COBL: variants seen among roughly 807,000 people sequenced by gnomAD.
COBL encodes the protein protein cordon-bleu.
Under a neutral mutation model 98.8 loss-of-function variants are expected in COBL, and 51 were observed. That is an observed-to-expected ratio of 0.52 (90% CI 0.41 to 0.65). The LOEUF is 0.65. COBL is among the 30% of genes least tolerant of loss of function. The probability of loss-of-function intolerance (pLI) is 0.00; values close to 1 mark genes in which losing one functional copy is unlikely to be tolerated. For missense variants in COBL, 1,617 were observed against 1,617.5 expected, an observed-to-expected ratio of 1.00 and a Z score of 0.01; for synonymous variants, 634 against 651.7, an observed-to-expected ratio of 0.97 and a Z score of 0.41.
At chr7:51,105,351 C>T (rs1796165882) in intron 6 of COBL, among the ~76,000 whole-genome samples, 1 of 152,228 alleles carries the variant, frequency 6.6e-6, no homozygotes, top group Admixed American at 6.5e-5. Context: ...TGCTACCCAC[C>T]ACCTGCTGCG....
At chr7:51,105,824 AC>A (rs1233793370) in intron 6 of COBL, among the ~76,000 whole-genome samples, 1 of 152,136 alleles carries the variant, frequency 6.6e-6, no homozygotes, top group Non-Finnish European at 1.5e-5. Flanking sequence ...AGGCTTAAGT[AC>A]TAATACAAAA....
intron 6 of COBL, among the ~76,000 whole-genome samples, chr7:51,113,644 G>GA (rs1049313155): frequency 2.6e-5 from 4 of 151,802 alleles, no homozygotes; most frequent in East Asian, 1.9e-4. Flanking sequence ...ATAGATTTTG[G>GA]AAAAAAAATA....
chr7:51,286,175 T>A (rs1232853450), intron 1 of COBL, among the ~76,000 whole-genome samples: 2 of 151,804 alleles, frequency 1.3e-5, no homozygotes, highest in Non-Finnish European at 2.9e-5. Context: ...AAGAAAATAT[T>A]CATGGCCTGG....
At chr7:51,260,880 T>C (rs1020369342) in intron 1 of COBL, among the ~76,000 whole-genome samples, 1 of 152,142 alleles carries the variant, frequency 6.6e-6, no homozygotes, top group African/African-American at 2.4e-5. Context: ...GCACTTGCAT[T>C]TAGCCATGAC....
At chr7:51,073,136 C>G (rs1253303020) in intron 7 of COBL, 8 of 390,406 alleles carry the variant, frequency 2.0e-5, no homozygotes, top group Admixed American at 8.8e-5. Flanking sequence ...CTAAAATTTG[C>G]ATATAATTTA....
intron 1 of COBL, among the ~76,000 whole-genome samples, chr7:51,242,503 C>A (rs1795884283): frequency 6.6e-6 from 1 of 152,176 alleles, no homozygotes; most frequent in Admixed American, 6.5e-5. Flanking sequence ...TGGCTGGACT[C>A]AGCTCCATGT....
intron 11 of COBL, 144 bp downstream of exon 11, chr7:51,026,402 A>G (rs1177100299): frequency 8.0e-6 from 9 of 1,129,934 alleles, no homozygotes; most frequent in Non-Finnish European, 1.1e-5. Flanking sequence ...TGTCTCACAC[A>G]GGCTGGGATG....
At chr7:51,115,791 TTCTA>T (rs1037553808) in intron 6 of COBL, among the ~76,000 whole-genome samples, 22 of 152,074 alleles carry the variant, frequency 1.4e-4, no homozygotes, top group East Asian at 9.6e-4. Context: ...TGTCTAGTTG[TTCTA>T]TCTGAGAGAT....
intron 6 of COBL, among the ~76,000 whole-genome samples, chr7:51,107,589 T>A (rs1408612065): frequency 1.3e-5 from 2 of 152,210 alleles, no homozygotes; most frequent in South Asian, 2.1e-4. Context: ...TTTACTTTTT[T>A]AAAATAATGT....
chr7:51,063,452 G>T (rs1791592034), intron 7 of COBL, among the ~76,000 whole-genome samples: 1 of 152,172 alleles, frequency 6.6e-6, no homozygotes, highest in Admixed American at 6.5e-5. Flanking sequence ...TTCTTTAAGG[G>T]TTGTGCAGTA....
intron 5 of COBL, among the ~76,000 whole-genome samples, chr7:51,147,956 G>A (rs752577644): frequency 2.0e-5 from 3 of 151,826 alleles, no homozygotes; most frequent in Non-Finnish European, 2.9e-5. Context: ...TATAGACGGG[G>A]TTTTACCGTG....
At chr7:51,166,004 T>C (rs1293006338) in intron 5 of COBL, among the ~76,000 whole-genome samples, 2 of 151,764 alleles carry the variant, frequency 1.3e-5, no homozygotes, top group African/African-American at 4.8e-5. Context: ...TATGCCTATG[T>C]CAAAAAAGAA....
intron 1 of COBL, among the ~76,000 whole-genome samples, chr7:51,289,925 G>C (rs1197923960): frequency 2.0e-5 from 3 of 152,092 alleles, no homozygotes; most frequent in Non-Finnish European, 2.9e-5. Context: ...TCCCCTCTCT[G>C]CCTTTCTTTG....
In COBL at chr7:51,289,337, G is replaced by A. The variant is rs114876069; in HGVS notation, c.41+27256C>T. ...TCCCAAGTGACTCTAGGCTCCCAGA[G>A]CCACAGACCTCACTGCCCTCCTGCT... On this transcript the variant is annotated intron_variant, in intron 1 of 12. Transcript: ENST00000265136. Among the ~76,000 whole-genome samples the A allele has an allele frequency of 7.6e-3, 1,151 of 152,276 alleles. 15 individuals are homozygous for A. Among genetic ancestry groups the A allele is most frequent in the African/African-American group, 0.027 (1,118 of 41,566 alleles).
chr7:51,157,676 T>G (rs1166603903), intron 5 of COBL, among the ~76,000 whole-genome samples: 1 of 152,226 alleles, frequency 6.6e-6, no homozygotes, highest in Admixed American at 6.5e-5. Flanking sequence ...ATTCTCTAAG[T>G]CAAAATTCAG....
At chr7:51,139,223 C>G (rs1799515870) in intron 5 of COBL, among the ~76,000 whole-genome samples, 1 of 152,174 alleles carries the variant, frequency 6.6e-6, no homozygotes, top group South Asian at 2.1e-4. Context: ...TTGTTACAAG[C>G]ATTAAATGAA....
chr7:51,197,848 T>C (rs1790739120), intron 2 of COBL, among the ~76,000 whole-genome samples: 1 of 152,234 alleles, frequency 6.6e-6, no homozygotes, highest in Non-Finnish European at 1.5e-5. Flanking sequence ...TGCTTTCTTC[T>C]GTTTTCCATT....
chr7:51,285,658 G>A (rs1800291343), intron 1 of COBL, among the ~76,000 whole-genome samples: 1 of 152,130 alleles, frequency 6.6e-6, no homozygotes, highest in African/African-American at 2.4e-5. Context: ...TATATTCATT[G>A]GTCAGACGAC....
intron 12 of COBL, among the ~76,000 whole-genome samples, chr7:51,023,794 G>C (rs1787179173): frequency 6.6e-6 from 1 of 152,170 alleles, no homozygotes; most frequent in East Asian, 1.9e-4. Context: ...GCGTCTCCTG[G>C]GTTACCTGCT....
Sources: gnomAD v4.1 joint callset for allele counts (sites outside exome capture counted in the v4.1 genomes callset) on GRCh38, gnomAD v4.1.1 for gene constraint, MANE v1.5 for transcripts, NCBI Gene and HGNC (gene_info 2026-07-23, HGNC 2026-07-21) for gene names.